Variants in PDE4DIP observed in about 807,000 individuals in gnomAD.
The protein encoded by PDE4DIP is myomegalin.
A neutral mutation model predicts 221.4 loss-of-function variants in PDE4DIP; 59 were observed. That is an observed-to-expected ratio of 0.27 (90% confidence interval 0.22 to 0.33). PDE4DIP has a LOEUF of 0.33. Among genes scored for constraint, PDE4DIP ranks in the 10% least tolerant of loss-of-function variants. PDE4DIP has a pLI of 1.00. For missense variants in PDE4DIP, 1,036 were observed against 2,154.2 expected (o/e 0.48, Z 10.28); for synonymous variants, 404 against 815.9 (o/e 0.50, Z 8.60).
At chr1:149,009,863 G>C in intron 30 of PDE4DIP, 72 bp downstream of exon 33, 1 of 1,099,264 alleles carries the variant, frequency 9.1e-7, no homozygotes, top group Admixed American at 1.7e-5. Flanking sequence ...AGGGCTTATA[G>C]CTCCACCATG....
chr1:148,859,379 C>G (rs1682984752), intron 1 of PDE4DIP, among the ~76,000 whole-genome samples: 1 of 149,852 alleles, frequency 6.7e-6, no homozygotes, highest in Admixed American at 6.7e-5. Context: ...AGAAATCAAG[C>G]AGGTGAACAG....
chr1:149,031,873 C>G (rs1462891862), intron 43 of PDE4DIP, 71 bp from the exon 47 acceptor site: 1 of 1,485,156 alleles, frequency 6.7e-7, no homozygotes, highest in African/African-American at 1.4e-5. Context: ...AGCTCTCACT[C>G]CAGCTTCAGG....
At chr1:149,010,652 G>A (rs1553604696) in intron 31 of PDE4DIP, 57 bp downstream of exon 34, 1 of 1,576,026 alleles carries the variant, frequency 6.3e-7, no homozygotes, top group Non-Finnish European at 8.7e-7. Context: ...CTGCCTGTTT[G>A]ATTTTTCTTC....
At position 149,012,718 on chromosome 1, in the gene PDE4DIP, G is replaced by C. The variant is rs146498452; in HGVS notation, c.5208G>C (p.Val1736=). Residue 1736 remains valine, a synonymous_variant, in exon 32 of 44, where the codon GTG becomes GTC. Transcript: ENST00000369354. Reference sequence around the variant, plus strand: ...TCCTTGGCTGCTGTGAGACACCAGTGGTCTCCTTGGCTGAGGCTCAGCAGG... The same window carrying C: ...TCCTTGGCTGCTGTGAGACACCAGTCGTCTCCTTGGCTGAGGCTCAGCAGG... The C allele has an allele frequency of 4.3e-4, 687 of 1,613,602 alleles. 10 individuals carry two copies. The South Asian group carries it at 7.2e-3, about 17-fold the overall frequency.
At chr1:149,021,330 G>A in intron 37 of PDE4DIP, 177 bp downstream of exon 40, 1 of 604,886 alleles carries the variant, frequency 1.7e-6, no homozygotes, top group Non-Finnish European at 3.0e-6. Flanking sequence ...CAACGGGACA[G>A]GTTGGTGGCA....
exon 43 of PDE4DIP, chr1:149,030,263 A>G (rs4997148): frequency 0.013 from 17,780 of 1,420,908 alleles, 140 homozygotes; most frequent in Middle Eastern, 0.036. Flanking sequence ...TAAAGAAGGC[A>G]AGGACTAACT....
chr1:148,820,843 T>TTATG (rs1171497402), intron 1 of PDE4DIP, among the ~76,000 whole-genome samples: 20 of 131,864 alleles, frequency 1.5e-4, no homozygotes, highest in African/African-American at 5.0e-4. Flanking sequence ...ATTTATTTAT[T>TTATG]TATTTATTTA....
intron 14 of PDE4DIP, among the ~76,000 whole-genome samples, chr1:148,971,003 G>C (rs1266834401): frequency 6.6e-6 from 1 of 151,206 alleles, no homozygotes; most frequent in Non-Finnish European, 1.5e-5. Context: ...CATCATCTTA[G>C]ACCCTCAGTA....
chr1:149,029,935 C>T lies in PDE4DIP; in HGVS notation c.6952+10C>T. 1 of 1,329,132 alleles carries T rather than the reference C, an allele frequency of 7.5e-7. No homozygotes were observed. Among genetic ancestry groups the T allele is most frequent in the East Asian group, 2.3e-5 (1 of 43,306 alleles). 82.3% of individuals were successfully genotyped at this position (1,329,132 alleles called of 1,614,324 possible). The stretch of plus-strand genomic sequence containing the variant: ...TTCATCGTCAGCCAGCGTAGGTTCC[C>T]TGAGAGGGAATGGGGGAAGAAACAG... On this transcript the variant is annotated intron_variant, in intron 42 of 43. Coordinates refer to ENST00000369354, the Ensembl canonical transcript of PDE4DIP.
intron 1 of PDE4DIP, among the ~76,000 whole-genome samples, chr1:148,919,557 CCT>C (rs1293557614): frequency 6.6e-6 from 1 of 151,794 alleles, no homozygotes; most frequent in Admixed American, 6.5e-5. Context: ...AGTGCTTCTC[CCT>C]GTTTTATAGA....
At chr1:149,000,134 G>A (rs1431934734) in intron 23 of PDE4DIP, among the ~76,000 whole-genome samples, 2 of 152,066 alleles carry the variant, frequency 1.3e-5, no homozygotes, top group Non-Finnish European at 2.9e-5. Flanking sequence ...TCTGCTGTAG[G>A]TTCCAAGACT....
intron 21 of PDE4DIP, chr1:148,983,901 T>C (rs1414881897): frequency 6.6e-6 from 1 of 152,120 alleles, no homozygotes; most frequent in African/African-American, 2.4e-5. Flanking sequence ...ATTTTGTTTT[T>C]CTCATGCTTC....
At chr1:148,821,498 A>G (rs1669244302) in intron 1 of PDE4DIP, among the ~76,000 whole-genome samples, 1 of 150,718 alleles carries the variant, frequency 6.6e-6, no homozygotes, top group African/African-American at 2.5e-5. Flanking sequence ...TCTGATATTA[A>G]TAAAGTTTAT....
At chr1:148,962,435 A>T (rs782440537) in exon 9 of PDE4DIP, 2 of 644,188 alleles carry the variant, frequency 3.1e-6, no homozygotes, top group Admixed American at 5.8e-5. Context: ...CAGAGCTCAG[A>T]GGGTACTTCT....
intron 5 of PDE4DIP, chr1:148,952,438 G>T: frequency 9.1e-7 from 1 of 1,093,706 alleles, no homozygotes; most frequent in Non-Finnish European, 1.1e-6. Flanking sequence ...AGCCCAGTCT[G>T]CTAAAAGGGG....
chr1:148,907,087 C>G (rs2042019836), intron 1 of PDE4DIP, among the ~76,000 whole-genome samples: 1 of 149,838 alleles, frequency 6.7e-6, no homozygotes, highest in Non-Finnish European at 1.5e-5. Context: ...ATAGTTACTT[C>G]TGCTTGCTTT....
chr1:148,822,759 ACATTAT>A (rs1479224197), intron 1 of PDE4DIP, among the ~76,000 whole-genome samples: 2 of 119,460 alleles, frequency 1.7e-5, no homozygotes, highest in Non-Finnish European at 3.7e-5. Context: ...CATGGCAGCA[ACATTAT>A]CATTATCACC....
intron 9 of PDE4DIP, among the ~76,000 whole-genome samples, chr1:148,963,833 A>G (rs2057562305): frequency 8.2e-6 from 1 of 122,096 alleles, no homozygotes; most frequent in Non-Finnish European, 1.6e-5. Context: ...GGCTCGCTGC[A>G]AGCTCCGCCT....
chr1:148,975,421 G>A (rs1349970278), intron 17 of PDE4DIP, among the ~76,000 whole-genome samples: 2 of 148,746 alleles, frequency 1.3e-5, no homozygotes, highest in African/African-American at 5.0e-5. Context: ...TATAGACGAA[G>A]AAGCTGAAAC....
Sources: allele counts gnomAD v4.1 joint callset (sites outside exome capture counted in the v4.1 genomes callset), GRCh38; gene constraint gnomAD v4.1.1; transcripts MANE v1.5; gene names NCBI Gene and HGNC (gene_info 2026-07-23, HGNC 2026-07-21).